The following LY6S variants were observed in gnomAD, a reference collection of about 807,000 sequenced individuals.
LY6S encodes the protein lymphocyte antigen 6 family member S.
the LY6S span, among the ~76,000 whole-genome samples, chr8:143,056,638 T>C: frequency 6.6e-6 from 1 of 152,130 alleles, no homozygotes; most frequent in South Asian, 2.1e-4. Context: ...TAGAAATGCC[T>C]TTTTTTTGGA....
the LY6S span, among the ~76,000 whole-genome samples, chr8:143,045,226 G>A: frequency 3.3e-5 from 5 of 152,068 alleles, no homozygotes; most frequent in African/African-American, 9.7e-5. The surrounding 1 kb of genome is among the most constrained non-coding windows in gnomAD (Gnocchi z 5.3). Context: ...CAGCACACAC[G>A]GGGCAGCAGG....
At chr8:143,057,624 T>C in the LY6S span, 2 of 1,175,454 alleles carry the variant, frequency 1.7e-6, no homozygotes, top group Non-Finnish European at 1.3e-6. Context: ...AGGTCATCAA[T>C]GCCCACAGTT....
At chr8:143,046,390 A>T in the LY6S span, among the ~76,000 whole-genome samples, 2 of 151,946 alleles carry the variant, frequency 1.3e-5, no homozygotes, top group African/African-American at 4.8e-5. Flanking sequence ...ATCCTGCCTA[A>T]CATAGTGAAA....
the LY6S span, among the ~76,000 whole-genome samples, chr8:143,050,082 C>A: frequency 6.6e-6 from 1 of 151,754 alleles, no homozygotes; most frequent in African/African-American, 2.4e-5. Context: ...TGGCTCCTTT[C>A]CAAAGCAGCT....
At chr8:143,052,646 G>T in the LY6S span, among the ~76,000 whole-genome samples, 1 of 152,098 alleles carries the variant, frequency 6.6e-6, no homozygotes, top group Non-Finnish European at 1.5e-5. Context: ...GGCCTCCCCC[G>T]CTCCTTGCAG....
chr8:143,047,637 A>T, the LY6S span: 1 of 152,092 alleles, frequency 6.6e-6, no homozygotes, highest in African/African-American at 2.4e-5. Flanking sequence ...GGCATATTTG[A>T]TTTTCCCTGT....
chr8:143,052,082 C>A, the LY6S span, among the ~76,000 whole-genome samples: 7 of 151,906 alleles, frequency 4.6e-5, no homozygotes, highest in African/African-American at 1.7e-4. Flanking sequence ...GAGATGGAGA[C>A]CATCCTGGCT....
chr8:143,044,709 G>A, the LY6S span: 191 of 1,367,626 alleles, frequency 1.4e-4, 4 homozygotes, highest in South Asian at 2.1e-3. Context: ...CTTTCTGGGA[G>A]ACACAGACCC....
At chr8:143,050,185 T>G in the LY6S span, among the ~76,000 whole-genome samples, 144 of 149,664 alleles carry the variant, frequency 9.6e-4, no homozygotes, top group African/African-American at 3.4e-3. Context: ...ACTTTTTTTT[T>G]TTTTTTTTTT....
chr8:143,044,044 G>A, the LY6S span: 1 of 408,986 alleles, frequency 2.4e-6, no homozygotes, highest in South Asian at 1.7e-5. Flanking sequence ...TCCGAGAGCT[G>A]AGGGTGCTGA....
the LY6S span, among the ~76,000 whole-genome samples, chr8:143,052,155 C>T: frequency 6.6e-6 from 1 of 151,444 alleles, no homozygotes; most frequent in Non-Finnish European, 1.5e-5. Context: ...GTGGCGGGCG[C>T]CTGTAGTCCC....
the LY6S span, among the ~76,000 whole-genome samples, chr8:143,070,470 TATATAA>T: frequency 1.1e-3 from 43 of 38,484 alleles, no homozygotes; most frequent in African/African-American, 3.0e-3. Flanking sequence ...ATATAATATA[TATATAA>T]ATATATATAT....
chr8:143,043,313 G>C, the LY6S span: 23 of 1,191,774 alleles, frequency 1.9e-5, no homozygotes, highest in Non-Finnish European at 2.6e-5. Flanking sequence ...AGAGGAGGGA[G>C]AGCTTGTTCT....
At chr8:143,062,791 A>G in the LY6S span, among the ~76,000 whole-genome samples, 1 of 152,154 alleles carries the variant, frequency 6.6e-6, no homozygotes, top group African/African-American at 2.4e-5. Context: ...TGCAATCCTG[A>G]TCAAAAGGGT....
the LY6S span, among the ~76,000 whole-genome samples, chr8:143,054,948 G>C: frequency 1.3e-5 from 2 of 152,190 alleles, no homozygotes; most frequent in Non-Finnish European, 2.9e-5. Context: ...AAACCGAGGG[G>C]CCTTAAATCT....
chr8:143,053,158 T>C, the LY6S span: 1 of 152,222 alleles, frequency 6.6e-6, no homozygotes, highest in Non-Finnish European at 1.5e-5. Flanking sequence ...CCGATGGCTG[T>C]AAAGCTACAG....
chr8:143,076,045 C>T, the LY6S span, among the ~76,000 whole-genome samples: 1 of 152,076 alleles, frequency 6.6e-6, no homozygotes, highest in Admixed American at 6.5e-5. Context: ...AAAATGATAA[C>T]AATCTGTACC....
At chr8:143,070,459 TATATAATATATATATA>T in the LY6S span, among the ~76,000 whole-genome samples, 34 of 46,262 alleles carry the variant, frequency 7.3e-4, 1 homozygote, top group Admixed American at 3.7e-3. Flanking sequence ...TATATATATA[TATATAATATATATATA>T]AATATATATA....
chr8:143,046,836 C>T, the LY6S span, among the ~76,000 whole-genome samples: 2 of 151,026 alleles, frequency 1.3e-5, no homozygotes, highest in African/African-American at 2.4e-5. Flanking sequence ...CCTGTCTCTA[C>T]TGAAAAAAAA....
Sources: gnomAD v4.1 joint callset for allele counts (sites outside exome capture counted in the v4.1 genomes callset) on GRCh38, gnomAD v4.1.1 for gene constraint, Gnocchi (gnomAD v3.1) non-coding constraint, MANE v1.5 for transcripts, NCBI Gene and HGNC (gene_info 2026-07-23, HGNC 2026-07-21) for gene names.